Variants in CHCHD6 observed in about 807,000 individuals in gnomAD.
The protein encoded by CHCHD6 is coiled-coil-helix-coiled-coil-helix domain containing 6.
Under a neutral mutation model 32.3 loss-of-function variants are expected in CHCHD6, and 28 were observed. The ratio of observed to expected loss-of-function variants is 0.87; its 90% confidence interval spans 0.64 to 1.19. CHCHD6 has a LOEUF of 1.19. Among genes scored for constraint, CHCHD6 ranks in the 50% most tolerant of loss-of-function variants. The pLI is 0.00. For missense variants in CHCHD6, 333 were observed against 307.0 expected, an observed-to-expected ratio of 1.08 and a Z score of -0.63; for synonymous variants, 122 against 117.5, an observed-to-expected ratio of 1.04 and a Z score of -0.25.
In CHCHD6 at chr3:126,788,694, G is replaced by A. The variant is rs1433955927; in HGVS notation, c.411+55472G>A. ...ATCTCCCCTTTATAATTTTTTTATT[G>A]CATCTATTTGATTCTTCTCTCTTCT... is the stretch of plus-strand genomic sequence containing the variant. On this transcript the variant is annotated intron_variant, in intron 4 of 7. Transcript: ENST00000290913. Among the ~76,000 whole-genome samples the A allele has an allele frequency of 2.0e-5, 3 of 151,920 alleles. No individual in the cohort carries two copies. In the South Asian group the frequency reaches 6.2e-4, roughly 32 times the overall value.
At chr3:126,745,279 C>A (rs1232651730) in intron 4 of CHCHD6, among the ~76,000 whole-genome samples, 1 of 152,192 alleles carries the variant, frequency 6.6e-6, no homozygotes, top group Non-Finnish European at 1.5e-5. Flanking sequence ...CGAAGCCCAG[C>A]GTCCGGACTC....
At chr3:126,945,289 G>A (rs952404055) in intron 6 of CHCHD6, among the ~76,000 whole-genome samples, 1 of 152,018 alleles carries the variant, frequency 6.6e-6, no homozygotes, top group Non-Finnish European at 1.5e-5. Flanking sequence ...GCACAGAGCT[G>A]GAAGGGCAGG....
At chr3:126,795,516 T>A (rs1424557363) in intron 4 of CHCHD6, among the ~76,000 whole-genome samples, 1 of 152,206 alleles carries the variant, frequency 6.6e-6, no homozygotes, top group Non-Finnish European at 1.5e-5. Flanking sequence ...TTTTCCAGGG[T>A]AATATAACCC....
intron 6 of CHCHD6, among the ~76,000 whole-genome samples, chr3:126,924,152 A>G (rs907965050): frequency 3.3e-5 from 5 of 152,214 alleles, no homozygotes; most frequent in African/African-American, 1.2e-4. Flanking sequence ...CTGGCCTGCA[A>G]AGGTGCCAGA....
intron 4 of CHCHD6, among the ~76,000 whole-genome samples, chr3:126,795,548 A>G (rs1461176019): frequency 6.6e-6 from 1 of 152,194 alleles, no homozygotes; most frequent in Non-Finnish European, 1.5e-5. Flanking sequence ...ATTCTGGTTA[A>G]TTCTTGAAGA....
chr3:126,884,386 G>C (rs1412162873), intron 5 of CHCHD6, among the ~76,000 whole-genome samples: 1 of 152,140 alleles, frequency 6.6e-6, no homozygotes, highest in Non-Finnish European at 1.5e-5. Flanking sequence ...CAATCAAAGA[G>C]GGAATTATTT....
chr3:126,803,630 C>A (rs1052010855), intron 4 of CHCHD6, among the ~76,000 whole-genome samples: 1 of 152,064 alleles, frequency 6.6e-6, no homozygotes, highest in African/African-American at 2.4e-5. Context: ...ACTTTAACAC[C>A]CCACTGTCAA....
At chr3:126,723,914 T>C (rs1935423587) in intron 1 of CHCHD6, among the ~76,000 whole-genome samples, 3 of 152,228 alleles carry the variant, frequency 2.0e-5, no homozygotes. Flanking sequence ...AGGCACTTAA[T>C]AAATATTTAC....
At chr3:126,720,255 G>A (rs989116961) in intron 1 of CHCHD6, among the ~76,000 whole-genome samples, 4 of 152,124 alleles carry the variant, frequency 2.6e-5, no homozygotes, top group Admixed American at 1.3e-4. Context: ...TTAGGACATC[G>A]TCAGCTGTGA....
intron 1 of CHCHD6, among the ~76,000 whole-genome samples, chr3:126,712,891 C>A (rs188801206): frequency 4.8e-4 from 73 of 152,332 alleles, no homozygotes; most frequent in Admixed American, 2.6e-3. Flanking sequence ...TCTTCTCTGC[C>A]CCCTTAGAGA....
chr3:126,892,008 C>A (rs767781336), intron 5 of CHCHD6, among the ~76,000 whole-genome samples: 15 of 152,182 alleles, frequency 9.9e-5, no homozygotes, highest in Non-Finnish European at 1.6e-4. Flanking sequence ...CAGCCTATGG[C>A]AGACATCGCA....
chr3:126,824,060 A>G (rs865942236), intron 4 of CHCHD6, among the ~76,000 whole-genome samples: 3 of 152,174 alleles, frequency 2.0e-5, no homozygotes, highest in African/African-American at 7.2e-5. Flanking sequence ...CCTGAGTGAC[A>G]GAGTGAGATT....
chr3:126,806,948 A>G (rs1458917485), intron 4 of CHCHD6, among the ~76,000 whole-genome samples: 2 of 150,878 alleles, frequency 1.3e-5, no homozygotes, highest in African/African-American at 4.9e-5. Context: ...TATCGCAAGG[A>G]CAAAAAACGA....
chr3:126,747,185 T>G (rs1171975218), intron 4 of CHCHD6, among the ~76,000 whole-genome samples: 1 of 152,228 alleles, frequency 6.6e-6, no homozygotes, highest in Non-Finnish European at 1.5e-5. Context: ...CTGCTGGTGA[T>G]GCCTCAGTTT....
At chr3:126,918,128 C>T (rs566824410) in intron 6 of CHCHD6, among the ~76,000 whole-genome samples, 16 of 152,264 alleles carry the variant, frequency 1.1e-4, no homozygotes, top group Admixed American at 2.0e-4. Flanking sequence ...ACAGTAAACA[C>T]GAAGCAGTGT....
intron 5 of CHCHD6, among the ~76,000 whole-genome samples, chr3:126,863,272 G>A (rs1255091046): frequency 6.4e-4 from 26 of 40,360 alleles, no homozygotes; most frequent in Admixed American, 2.1e-3. Context: ...CATCACAACC[G>A]CCTCCTCCAC....
intron 5 of CHCHD6, among the ~76,000 whole-genome samples, chr3:126,860,074 A>G (rs1214512398): frequency 6.6e-6 from 1 of 152,122 alleles, no homozygotes; most frequent in African/African-American, 2.4e-5. Flanking sequence ...CAATGTGGCC[A>G]GCAGTACTTC....
At chr3:126,949,549 G>A (rs1000586854) in intron 6 of CHCHD6, 1 of 173,588 alleles carries the variant, frequency 5.8e-6, no homozygotes, top group African/African-American at 2.6e-5. Context: ...GCTGCTGCCC[G>A]GACTGCCGCC....
intron 4 of CHCHD6, among the ~76,000 whole-genome samples, chr3:126,792,601 C>T (rs1938606855): frequency 6.6e-6 from 1 of 151,934 alleles, no homozygotes; most frequent in African/African-American, 2.4e-5. Context: ...TAATTTAATA[C>T]TTTGTGGTCA....
Sources: allele counts gnomAD v4.1 joint callset (sites outside exome capture counted in the v4.1 genomes callset), GRCh38; gene constraint gnomAD v4.1.1; transcripts MANE v1.5; gene names NCBI Gene and HGNC (gene_info 2026-07-23, HGNC 2026-07-21).